GLIS3: variants seen among roughly 807,000 people sequenced by gnomAD.
GLIS3 encodes the protein zinc finger protein GLIS3.
GLIS3 carries 53 observed loss-of-function variants against 78.6 expected under a neutral mutation model. That is an observed-to-expected ratio of 0.67 (90% CI 0.54 to 0.85). GLIS3 has a LOEUF of 0.85. GLIS3 is among the 40% of genes least tolerant of loss of function. The pLI is 0.00. For missense variants in GLIS3, 1,703 were observed against 1,231.1 expected (o/e 1.38, Z -5.74); for synonymous variants, 684 against 509.9 (o/e 1.34, Z -4.60).
chr9:3,979,637 A>T (rs755414944), intron 4 of GLIS3, among the ~76,000 whole-genome samples: 14 of 151,784 alleles, frequency 9.2e-5, no homozygotes, highest in Non-Finnish European at 1.9e-4. Flanking sequence ...TCCCCATGAC[A>T]CTCCATACTT....
chr9:4,209,584 T>C (rs10814883), intron 2 of GLIS3, among the ~76,000 whole-genome samples: 36,849 of 152,054 alleles, frequency 0.24, 5,263 homozygotes, highest in Non-Finnish European at 0.33. Context: ...AAAATCACAG[T>C]AATTCCATTT....
intron 2 of GLIS3, among the ~76,000 whole-genome samples, chr9:4,345,979 T>G (rs1331714298): frequency 6.6e-6 from 1 of 152,080 alleles, no homozygotes; most frequent in Non-Finnish European, 1.5e-5. Context: ...TAAAATACAG[T>G]TCGAGTGGGA....
Position 4,286,499 on chromosome 9 carries a change from G to C in GLIS3, c.-74C>G. 1 of 1,554,218 alleles carries C rather than the reference G, an allele frequency of 6.4e-7. No individual in the cohort carries two copies. The highest frequency in any genetic ancestry group is 8.8e-7 in the Non-Finnish European group (1 of 1,134,610). ...ACTCCTTTCAGGCAAAGTCCAATAA[G>C]TTATCCATGGTGTGGGTTATAAGCC... On this transcript the variant is annotated 5_prime_UTR_variant, in exon 2 of 11. Coordinates refer to ENST00000381971, the MANE Select transcript of GLIS3 (RefSeq NM_001042413.2).
At chr9:4,482,406 T>A in the GLIS3 span, among the ~76,000 whole-genome samples, 1 of 152,202 alleles carries the variant, frequency 6.6e-6, no homozygotes, top group African/African-American at 2.4e-5. Context: ...ATAAGTTCTA[T>A]CTAGACTGAG....
chr9:4,348,773 GA>G (rs200302432), upstream of GLIS3, among the ~76,000 whole-genome samples: 9 of 147,042 alleles, frequency 6.1e-5, no homozygotes, highest in African/African-American at 2.0e-4. Context: ...GCTCCTAAGT[GA>G]AAAAAAAACA....
In GLIS3 at chr9:4,097,525, G is replaced by A. The variant is rs528882001; in HGVS notation, c.1710+20243C>T. 2.6e-5 allele frequency among the ~76,000 whole-genome samples: 4 copies of A among 152,114 alleles called. No individual in the cohort carries two copies. In the South Asian group the frequency reaches 8.3e-4, roughly 32 times the overall value. ...GGAGGCATCTCTTAGGACCACCTCCGCCAGCTTCCTCCCTCTTTTTTGATT... is the reference window on the plus strand; with the variant it reads ...GGAGGCATCTCTTAGGACCACCTCCACCAGCTTCCTCCCTCTTTTTTGATT... On this transcript the variant is annotated intron_variant, in intron 4 of 10. Coordinates refer to ENST00000381971, the MANE Select transcript of GLIS3 (RefSeq NM_001042413.2).
chr9:4,271,563 A>G (rs1826510334), intron 2 of GLIS3, among the ~76,000 whole-genome samples: 2 of 152,210 alleles, frequency 1.3e-5, no homozygotes, highest in South Asian at 2.1e-4. Context: ...AAAAAGCAGC[A>G]TAAGCAAGTG....
At chr9:4,092,274 C>T (rs1284217902) in intron 4 of GLIS3, among the ~76,000 whole-genome samples, 1 of 151,768 alleles carries the variant, frequency 6.6e-6, no homozygotes, top group Non-Finnish European at 1.5e-5. Flanking sequence ...GTCTCAGCCT[C>T]CCGAGTAGCT....
At chr9:4,433,488 G>T in the GLIS3 span, among the ~76,000 whole-genome samples, 2 of 152,156 alleles carry the variant, frequency 1.3e-5, no homozygotes, top group African/African-American at 4.8e-5. Flanking sequence ...AAGTTTCTCA[G>T]TTAGCACATA....
intron 4 of GLIS3, among the ~76,000 whole-genome samples, chr9:3,964,953 A>G (rs1230230639): frequency 1.3e-5 from 2 of 152,180 alleles, no homozygotes; most frequent in Non-Finnish European, 2.9e-5. Flanking sequence ...GAAGTCAGAT[A>G]CAAATAACTC....
At chr9:4,250,574 C>T (rs1455406300) in intron 2 of GLIS3, among the ~76,000 whole-genome samples, 1 of 143,824 alleles carries the variant, frequency 7.0e-6, no homozygotes, top group African/African-American at 2.4e-5. Context: ...CTCCCGTATT[C>T]ATTAATTTTT....
Position 4,208,499 on chromosome 9 carries a change from C to A in GLIS3, c.388+77539G>T, listed in dbSNP as rs150403980. ...GCTCAACATGGTGTAACATGAGTGT[C>A]TGAAAACAAGTGCTCTCTTCTGCCA... On this transcript the variant is annotated intron_variant, in intron 2 of 10. Transcript: ENST00000381971. Among the ~76,000 whole-genome samples, 17 of 152,250 alleles carry A rather than the reference C, an allele frequency of 1.1e-4. No individual in the cohort carries two copies. In the East Asian group the frequency reaches 2.3e-3, roughly 21 times the overall value.
At chr9:4,388,569 A>T in the GLIS3 span, among the ~76,000 whole-genome samples, 1 of 152,054 alleles carries the variant, frequency 6.6e-6, no homozygotes, top group Admixed American at 6.6e-5. Context: ...CCAGCTACGC[A>T]GGAGGCTGAG....
intron 2 of GLIS3, among the ~76,000 whole-genome samples, chr9:4,150,163 G>A (rs999863928): frequency 6.6e-6 from 1 of 152,040 alleles, no homozygotes; most frequent in Non-Finnish European, 1.5e-5. Context: ...GCTTTTATAG[G>A]GCCCCTTTCT....
intron 2 of GLIS3, among the ~76,000 whole-genome samples, chr9:4,228,049 C>T (rs975150729): frequency 2.6e-5 from 4 of 151,960 alleles, no homozygotes; most frequent in Non-Finnish European, 4.4e-5. Context: ...GAATTTCTCC[C>T]CATACTTATA....
chr9:4,471,679 T>G, the GLIS3 span, among the ~76,000 whole-genome samples: 18 of 152,272 alleles, frequency 1.2e-4, no homozygotes, highest in Non-Finnish European at 2.5e-4. Context: ...GCAATACCAT[T>G]CAAGCCATCG....
chr9:4,023,131 C>T (rs574097440), intron 4 of GLIS3, among the ~76,000 whole-genome samples: 1 of 152,138 alleles, frequency 6.6e-6, no homozygotes, highest in Admixed American at 6.6e-5. Context: ...ACATATTGAA[C>T]TCCAGTGATC....
At chr9:4,276,675 A>C (rs1435926811) in intron 2 of GLIS3, among the ~76,000 whole-genome samples, 1 of 152,174 alleles carries the variant, frequency 6.6e-6, no homozygotes, top group African/African-American at 2.4e-5. Context: ...GATTCTTTTA[A>C]AGATGTAATG....
chr9:4,241,701 C>G (rs539689066), intron 2 of GLIS3, among the ~76,000 whole-genome samples: 1 of 151,850 alleles, frequency 6.6e-6, no homozygotes, highest in Admixed American at 6.6e-5. Context: ...TTTTGAGATA[C>G]AGTCTTGCTC....
Sources: allele counts gnomAD v4.1 joint callset (sites outside exome capture counted in the v4.1 genomes callset), GRCh38; gene constraint gnomAD v4.1.1; transcripts MANE v1.5; gene names NCBI Gene and HGNC (gene_info 2026-07-23, HGNC 2026-07-21).